MCF2: variants seen among roughly 807,000 people sequenced by gnomAD.
MCF2 encodes the protein proto-oncogene DBL.
Under a neutral mutation model 82.5 loss-of-function variants are expected in MCF2, and 44 were observed. That is an observed-to-expected ratio of 0.53 (90% CI 0.42 to 0.69). The LOEUF (loss-of-function observed/expected upper bound fraction) is 0.69, where lower values mean the gene tolerates loss of function less well. Among genes scored for constraint, MCF2 ranks in the 30% least tolerant of loss-of-function variants. MCF2 has a pLI of 0.00. For synonymous variants in MCF2, 217 were observed against 224.9 expected (o/e 0.96, Z 0.32); for missense variants, 623 against 663.1 (o/e 0.94, Z 0.66).
At chrX:139,632,228 A>T in intron 2 of MCF2, 107 bp downstream of exon 5, 1 of 597,391 alleles carries the variant, frequency 1.7e-6, no homozygotes, top group Non-Finnish European at 2.4e-6. Flanking sequence ...AAGACATTTT[A>T]ATTTTTTTCT....
intron 3 of MCF2, among the ~76,000 whole-genome samples, chrX:139,630,235 A>T (rs1932877982): frequency 8.9e-6 from 1 of 111,836 alleles, no homozygotes; most frequent in Non-Finnish European, 1.9e-5. Context: ...ACTTCTGAAG[A>T]GAGATGAGAA....
chrX:139,643,957 C>T (rs1235298752), upstream of MCF2, among the ~76,000 whole-genome samples: 1 of 111,645 alleles, frequency 9.0e-6, no homozygotes, highest in Non-Finnish European at 1.9e-5. Flanking sequence ...AAAAAATGTT[C>T]TAATGTAACA....
At chrX:139,620,641 T>C (rs894738580) in intron 6 of MCF2, among the ~76,000 whole-genome samples, 2 of 111,071 alleles carry the variant, frequency 1.8e-5, no homozygotes, top group African/African-American at 3.3e-5. Context: ...AAATACCCAG[T>C]AATACATGTA....
chrX:139,634,546 T>G (rs772244056), intron 1 of MCF2, among the ~76,000 whole-genome samples: 7 of 111,750 alleles, frequency 6.3e-5, no homozygotes, highest in Non-Finnish European at 1.3e-4. Flanking sequence ...GAAAGAGAAA[T>G]GAGTGTGATA....
upstream of MCF2, chrX:139,645,639 G>T: frequency 8.4e-7 from 1 of 1,188,806 alleles, no homozygotes; most frequent in Middle Eastern, 2.3e-4. Flanking sequence ...ATGGTAAACC[G>T]GGAGTCTGAT....
chrX:139,672,848 T>C (rs1366801365), intron 1 of MCF2, among the ~76,000 whole-genome samples: 1 of 111,712 alleles, frequency 9.0e-6, no homozygotes, highest in Non-Finnish European at 1.9e-5. Flanking sequence ...TTAGGGAGGA[T>C]TCCCTCTTTT....
chrX:139,597,345 T>C, intron 18 of MCF2, 115 bp downstream of exon 22: 1 of 579,449 alleles, frequency 1.7e-6, no homozygotes, highest in Non-Finnish European at 2.9e-6. Context: ...CATCAACATT[T>C]TGATCTCCAG....
chrX:139,652,664 G>A (rs569421827), intron 1 of MCF2, among the ~76,000 whole-genome samples: 5 of 111,228 alleles, frequency 4.5e-5, no homozygotes, highest in South Asian at 3.8e-4. Flanking sequence ...AAAAGAAAAC[G>A]GGTCATCAAA....
intron 6 of MCF2, among the ~76,000 whole-genome samples, chrX:139,621,551 A>G (rs1932358811): frequency 8.9e-6 from 1 of 111,733 alleles, no homozygotes; most frequent in South Asian, 3.7e-4. Context: ...ATGGAACAGA[A>G]CAGAGCACTC....
At chrX:139,594,286 GA>G (rs1161612855) in intron 19 of MCF2, among the ~76,000 whole-genome samples, 1 of 110,857 alleles carries the variant, frequency 9.0e-6, no homozygotes, top group Non-Finnish European at 1.9e-5. Flanking sequence ...TAAGCCAAAA[GA>G]ACAAAGCTGG....
intron 2 of MCF2, among the ~76,000 whole-genome samples, 193 bp from the exon 6 acceptor site, chrX:139,631,704 A>T (rs184136345): frequency 2.7e-5 from 3 of 111,674 alleles, no homozygotes; most frequent in East Asian, 5.6e-4. Context: ...TATTTACAAA[A>T]CATTTTCTGT....
intron 1 of MCF2, among the ~76,000 whole-genome samples, chrX:139,704,146 C>T (rs1383622362): frequency 9.0e-6 from 1 of 111,443 alleles, no homozygotes. Flanking sequence ...AACATCATAT[C>T]GAATGGGCAA....
chrX:139,659,068 T>A (rs1175709654), intron 1 of MCF2, among the ~76,000 whole-genome samples: 2 of 111,259 alleles, frequency 1.8e-5, no homozygotes, highest in Middle Eastern at 4.6e-3. Flanking sequence ...GGCAGGCGGA[T>A]CACGAGGTCA....
chrX:139,641,034 A>G (rs1933533760), intron 1 of MCF2, among the ~76,000 whole-genome samples: 1 of 110,072 alleles, frequency 9.1e-6, no homozygotes, highest in Non-Finnish European at 1.9e-5. Flanking sequence ...TAGCCATTCC[A>G]TATTTACCTT....
In MCF2 at chrX:139,642,776, A is replaced by C. The variant is rs1933651197; in HGVS notation, c.-258T>G. 1.2e-5 allele frequency: 12 copies of C among 1,022,178 alleles called. No individual in the cohort carries two copies. The South Asian group carries it at 2.7e-4, about 23-fold the overall frequency. The allele number at this position is 1,022,178 out of a possible 1,213,427, so 84.2% of individuals were successfully genotyped here. On this transcript the variant is annotated 5_prime_UTR_variant, in exon 1 of 25. Coordinates refer to ENST00000370576, the Ensembl canonical transcript of MCF2. Reference sequence around the variant, plus strand: ...TCAGAGTTAACACATTCCTCCAATTACTTAGCCTGATTGAACCTTGTGGAT... The same window carrying C: ...TCAGAGTTAACACATTCCTCCAATTCCTTAGCCTGATTGAACCTTGTGGAT...
chrX:139,663,504 G>A lies in MCF2; in HGVS notation c.-44-11716C>T, dbSNP rs144495410. On this transcript the variant is annotated intron_variant, in intron 1 of 27. Coordinates refer to the MCF2 transcript ENST00000414978. Reference sequence around the variant, plus strand: ...GAAGGTTTGTTACATAGATAAACACGTGTTGCAGGGGTTTGTTGTACATAT... The same window carrying A: ...GAAGGTTTGTTACATAGATAAACACATGTTGCAGGGGTTTGTTGTACATAT... 8.0e-3 allele frequency among the ~76,000 whole-genome samples: 877 copies of A among 109,418 alleles called. 7 individuals are homozygous for A. The highest frequency in any genetic ancestry group is 0.028 in the African/African-American group (834 of 30,090).
chrX:139,602,417 C>G, exon 16 of MCF2: 2 of 1,191,648 alleles, frequency 1.7e-6, no homozygotes, highest in Middle Eastern at 4.7e-4. Context: ...TGGAAAAATG[C>G]GCATTCTGAA....
At chrX:139,642,484 C>G (rs202152826) in exon 1 of MCF2, 17 of 1,209,679 alleles carry the variant, frequency 1.4e-5, no homozygotes, top group Non-Finnish European at 1.5e-5. Context: ...CCTTCTGAAC[C>G]TCATCTTGCC....
intron 1 of MCF2, among the ~76,000 whole-genome samples, chrX:139,671,009 T>C (rs1165855370): frequency 9.0e-6 from 1 of 111,541 alleles, no homozygotes; most frequent in Non-Finnish European, 1.9e-5. Context: ...GCCATTCTAA[T>C]GGGTGTGAGA....
Sources: gnomAD v4.1 joint callset for allele counts (sites outside exome capture counted in the v4.1 genomes callset) on GRCh38, gnomAD v4.1.1 for gene constraint, MANE v1.5 for transcripts, NCBI Gene and HGNC (gene_info 2026-07-23, HGNC 2026-07-21) for gene names.